GTF2F2: variants seen among roughly 807,000 people sequenced by gnomAD.
The protein encoded by GTF2F2 is ATP-dependent helicase GTF2F2.
A neutral mutation model predicts 42.2 loss-of-function variants in GTF2F2; 23 were observed. The observed-to-expected ratio is 0.55, with a 90% CI of 0.39 to 0.77. The LOEUF is 0.77. Ranked by LOEUF, GTF2F2 falls within the 30% of genes least tolerant of loss-of-function variation. The pLI, the probability that GTF2F2 is intolerant of heterozygous loss-of-function variation, is 0.00. For synonymous variants in GTF2F2, 105 were observed against 100.8 expected (o/e 1.04, Z -0.25); for missense variants, 261 against 287.2 (o/e 0.91, Z 0.66).
intron 5 of GTF2F2, among the ~76,000 whole-genome samples, chr13:45,217,979 A>G (rs1378588252): frequency 2.6e-5 from 4 of 152,154 alleles, no homozygotes; most frequent in Non-Finnish European, 5.9e-5. Context: ...TTGGTTTTAA[A>G]CCTTTTATTA....
chr13:45,191,325 T>C (rs1872645376), intron 4 of GTF2F2, among the ~76,000 whole-genome samples: 1 of 148,526 alleles, frequency 6.7e-6, no homozygotes, highest in Admixed American at 6.7e-5. Flanking sequence ...TAAGAGAATA[T>C]ATGTTTGGCT....
At chr13:45,204,120 T>TA (rs35253880) in intron 4 of GTF2F2, among the ~76,000 whole-genome samples, 1,540 of 152,330 alleles carry the variant, frequency 0.01, 15 homozygotes, top group Admixed American at 0.028. Context: ...TTTTTCCTTT[T>TA]AAAAACATTT....
At chr13:45,156,547 G>T (rs1243799495) in intron 4 of GTF2F2, among the ~76,000 whole-genome samples, 1 of 152,174 alleles carries the variant, frequency 6.6e-6, no homozygotes, top group Non-Finnish European at 1.5e-5. Context: ...TTTAATTGGT[G>T]CAATGGGAGT....
intron 4 of GTF2F2, among the ~76,000 whole-genome samples, chr13:45,195,260 AT>A (rs1226478327): frequency 6.6e-6 from 1 of 151,658 alleles, no homozygotes; most frequent in Non-Finnish European, 1.5e-5. Context: ...TTTATTTTTT[AT>A]TTTTTATTAT....
chr13:45,234,666 T>C (rs1874860439), intron 5 of GTF2F2, among the ~76,000 whole-genome samples: 1 of 152,252 alleles, frequency 6.6e-6, no homozygotes, highest in Non-Finnish European at 1.5e-5. Context: ...GGTAACTTAA[T>C]GTCAGAGTTG....
chr13:45,156,579 A>G (rs1870765948), intron 4 of GTF2F2, among the ~76,000 whole-genome samples: 1 of 152,218 alleles, frequency 6.6e-6, no homozygotes, highest in Admixed American at 6.5e-5. Flanking sequence ...AACATGGGAT[A>G]ATAGAGGTAA....
At chr13:45,150,735 C>T (rs1328214512) in intron 3 of GTF2F2, among the ~76,000 whole-genome samples, 1 of 135,634 alleles carries the variant, frequency 7.4e-6, no homozygotes, top group African/African-American at 3.1e-5. Flanking sequence ...GTAGAGACAA[C>T]GTTTTGTCAT....
chr13:45,241,908 G>T (rs561622392), intron 5 of GTF2F2, among the ~76,000 whole-genome samples: 7 of 152,222 alleles, frequency 4.6e-5, no homozygotes, highest in South Asian at 2.1e-4. Context: ...ATAAATATTT[G>T]TAAGAGATGC....
chr13:45,223,348 G>A (rs1037432298), intron 5 of GTF2F2, among the ~76,000 whole-genome samples: 5 of 151,036 alleles, frequency 3.3e-5, no homozygotes, highest in Non-Finnish European at 7.4e-5. Context: ...GTGCGCATGC[G>A]TGCACCCCTT....
At chr13:45,140,576 T>G (rs1280399042) in intron 2 of GTF2F2, among the ~76,000 whole-genome samples, 1 of 152,230 alleles carries the variant, frequency 6.6e-6, no homozygotes, top group African/African-American at 2.4e-5. Flanking sequence ...ATTTGTATAT[T>G]TAAGTTTATA....
chr13:45,262,620 T>C (rs1876389678), intron 6 of GTF2F2, among the ~76,000 whole-genome samples: 1 of 151,956 alleles, frequency 6.6e-6, no homozygotes, highest in Non-Finnish European at 1.5e-5. Flanking sequence ...GGTTTTGCCA[T>C]GTTCCCCAGG....
rs139554018 is a variant in GTF2F2 at position 45,253,861 on chromosome 13, G to A, written c.486+891G>A. On this transcript the variant is annotated intron_variant, in intron 6 of 7. Coordinates refer to ENST00000340473, the MANE Select transcript of GTF2F2 (RefSeq NM_004128.3). ...GAGGCCGAGGCAGGCGGTTCACAAG[G>A]TCAGGAGATCGAGACCATCCTGGCT... Among the ~76,000 whole-genome samples, 93 of 152,250 alleles carry A rather than the reference G, an allele frequency of 6.1e-4. 1 individual carries two copies. Among genetic ancestry groups the A allele is most frequent in the African/African-American group, 2.1e-3 (89 of 41,548 alleles).
intron 4 of GTF2F2, among the ~76,000 whole-genome samples, chr13:45,165,132 A>G (rs753086263): frequency 6.6e-6 from 1 of 151,982 alleles, no homozygotes; most frequent in Admixed American, 6.6e-5. Flanking sequence ...ATGCAGAATC[A>G]ATTTGTGAGG....
At chr13:45,247,360 A>G (rs557479651) in intron 5 of GTF2F2, among the ~76,000 whole-genome samples, 6 of 151,894 alleles carry the variant, frequency 4.0e-5, no homozygotes, top group South Asian at 2.1e-4. Flanking sequence ...CTTCCTGAAT[A>G]TAAGCTATTC....
At chr13:45,175,275 A>G (rs1871818783) in intron 4 of GTF2F2, among the ~76,000 whole-genome samples, 1 of 152,168 alleles carries the variant, frequency 6.6e-6, no homozygotes, top group Non-Finnish European at 1.5e-5. Flanking sequence ...ACAGGATTTC[A>G]TTGGTTTTTG....
At chr13:45,177,995 G>A (rs1871967609) in intron 4 of GTF2F2, among the ~76,000 whole-genome samples, 1 of 152,060 alleles carries the variant, frequency 6.6e-6, no homozygotes. Context: ...ATTTTAATGT[G>A]ATATGTCTAC....
intron 4 of GTF2F2, among the ~76,000 whole-genome samples, chr13:45,158,382 GT>G (rs1342981698): frequency 5.3e-5 from 8 of 152,300 alleles, no homozygotes; most frequent in African/African-American, 1.9e-4. Flanking sequence ...AACTGAGTCT[GT>G]TAAACTTCTT....
At chr13:45,194,835 C>A in intron 4 of GTF2F2, 1 of 451,762 alleles carries the variant, frequency 2.2e-6, no homozygotes. Flanking sequence ...CATGTCTATC[C>A]TTTGAAGTAA....
At chr13:45,157,771 CAG>C (rs1870834164) in intron 4 of GTF2F2, among the ~76,000 whole-genome samples, 1 of 151,748 alleles carries the variant, frequency 6.6e-6, no homozygotes, top group Non-Finnish European at 1.5e-5. Context: ...TTTGTAGAGA[CAG>C]GGTTTCGCCA....
Sources: allele counts gnomAD v4.1 joint callset (sites outside exome capture counted in the v4.1 genomes callset), GRCh38; gene constraint gnomAD v4.1.1; transcripts MANE v1.5; gene names NCBI Gene and HGNC (gene_info 2026-07-23, HGNC 2026-07-21).